NAPG: variants seen among roughly 807,000 people sequenced by gnomAD.
The protein encoded by NAPG is NSF attachment protein gamma, also known as gamma-soluble NSF attachment protein.
In NAPG, 25 loss-of-function variants were observed where a neutral mutation model predicts 48.4. That is an observed-to-expected ratio of 0.52 (90% confidence interval 0.38 to 0.72). The LOEUF is 0.72. NAPG is among the 30% of genes least tolerant of loss of function. The probability of loss-of-function intolerance (pLI) is 0.00; values close to 1 mark genes in which losing one functional copy is unlikely to be tolerated. For missense variants in NAPG, 359 were observed against 372.5 expected, an observed-to-expected ratio of 0.96 and a Z score of 0.30; for synonymous variants, 139 against 127.2, an observed-to-expected ratio of 1.09 and a Z score of -0.62.
chr18:10,541,391 C>G (rs751301366), intron 8 of NAPG, among the ~76,000 whole-genome samples: 2 of 152,134 alleles, frequency 1.3e-5, no homozygotes, highest in Non-Finnish European at 2.9e-5. Context: ...TTATTACTTA[C>G]TCGTCGCTTC....
In NAPG at chr18:10,550,346, C is replaced by G. The variant is rs563178587; in HGVS notation, c.*126C>G. ...TCATGATTTTGGATCCTAATAAAGA[C>G]TAGTTTTTAGTTACCATCTTCCCAA... On this transcript the variant is annotated 3_prime_UTR_variant, in exon 12 of 12. Transcript: ENST00000322897. 9.4e-7 allele frequency: 1 copy of G among 1,062,480 alleles called. No homozygotes were observed. The highest frequency in any genetic ancestry group is 1.3e-6 in the Non-Finnish European group (1 of 775,144). The allele number at this position is 1,062,480 out of a possible 1,614,324, so 65.8% of individuals were successfully genotyped here. A position where few individuals can be genotyped will look rare whatever the true frequency, so the allele number is the denominator to read the frequency against.
Position 10,540,014 on chromosome 18 carries a change from A to G in NAPG, c.395A>G (p.Lys132Arg), listed in dbSNP as rs1318970554. ...GKLIENVDPE[K>R]AVQLYQQTAN... ...CTTATAGAAAATGTTGATCCAGAGA[A>G]GGCTGTACAGTTATATCAACAGACA... Residue 132 changes from lysine to arginine, a missense_variant, in exon 7 of 12, where the codon AAG becomes AGG. Lys to Arg is a conservative substitution (Grantham distance 26). Transcript: ENST00000322897. The G allele has an allele frequency of 6.3e-7, 1 of 1,598,068 alleles. No homozygotes were observed. Among genetic ancestry groups the G allele is most frequent in the African/African-American group, 1.3e-5 (1 of 74,754 alleles).
chr18:10,526,978 A>G (rs2031828168), intron 1 of NAPG, among the ~76,000 whole-genome samples: 1 of 151,990 alleles, frequency 6.6e-6, no homozygotes. Context: ...TCACAAGGTC[A>G]GAAGATCCAG....
chr18:10,529,423 T>C (rs1001801567), intron 1 of NAPG, among the ~76,000 whole-genome samples: 8 of 152,248 alleles, frequency 5.3e-5, no homozygotes, highest in Non-Finnish European at 1.0e-4. Context: ...AAGTTTTAGA[T>C]GCTAAATATG....
chr18:10,540,580 TCTG>T, intron 8 of NAPG, 181 bp downstream of exon 8: 1 of 465,574 alleles, frequency 2.1e-6, no homozygotes, highest in Non-Finnish European at 3.8e-6. Context: ...TATTAAAAGA[TCTG>T]CTGTTTTTTG....
Position 10,548,282 on chromosome 18 carries a change from C to G in NAPG, c.586-17C>G, listed in dbSNP as rs761901743. 2 of 1,587,110 alleles carry G rather than the reference C, an allele frequency of 1.3e-6. No individual in the cohort carries two copies. The highest frequency in any genetic ancestry group is 3.3e-5 in the Admixed American group (2 of 59,868). On this transcript the variant is annotated splice_polypyrimidine_tract_variant and intron_variant, in intron 9 of 11. Transcript: ENST00000322897. This position sits in a 1 kb window ranked among gnomAD's most constrained non-coding sequence, Gnocchi z 4.4. The stretch of plus-strand genomic sequence containing the variant: ...AAACAGATGTAAATTTGACCATGAT[C>G]CTCTCTTTTGTTTTAGAAAACAATT...
At chr18:10,541,173 G>A (rs564889657) in intron 8 of NAPG, among the ~76,000 whole-genome samples, 1 of 151,974 alleles carries the variant, frequency 6.6e-6, no homozygotes, top group Admixed American at 6.6e-5. Context: ...AATTTAAACC[G>A]GTCTAGAGTA....
Position 10,539,687 on chromosome 18 carries a change from C to A in NAPG, c.259-75C>A. 8.5e-7 allele frequency: 1 copy of A among 1,171,776 alleles called. No homozygotes were observed. Among genetic ancestry groups the A allele is most frequent in the Non-Finnish European group, 1.3e-6 (1 of 792,950 alleles). 72.6% of individuals were successfully genotyped at this position (1,171,776 alleles called of 1,614,324 possible). A position where few individuals can be genotyped will look rare whatever the true frequency, so the allele number is the denominator to read the frequency against. On this transcript the variant is annotated intron_variant, in intron 5 of 11. Coordinates refer to ENST00000322897, the MANE Select transcript of NAPG (RefSeq NM_003826.3). This position sits in a 1 kb window ranked among gnomAD's most constrained non-coding sequence, Gnocchi z 4.7. ...CAGAACTTAAAATAAAAAATAATTG[C>A]ATTTCAGATTGTTAACTCTGTTTTT...
Position 10,551,051 on chromosome 18 carries a change from T to G in NAPG, c.*831T>G, listed in dbSNP as rs1259982670. 2.6e-5 allele frequency: 4 copies of G among 151,948 alleles called. No individual in the cohort carries two copies. In the East Asian group the frequency reaches 7.7e-4, roughly 29 times the overall value. The allele number at this position is 151,948 out of a possible 1,614,324, so 9.4% of individuals were successfully genotyped here. Reference sequence around the variant, plus strand: ...CTCTTTTGCCCAGGCTGGAGTGCAGTGGCACAATCACGGCTCCCAGGCTAA... The same window carrying G: ...CTCTTTTGCCCAGGCTGGAGTGCAGGGGCACAATCACGGCTCCCAGGCTAA... On this transcript the variant is annotated 3_prime_UTR_variant, in exon 12 of 12. Transcript: ENST00000322897.
rs576467426 is a variant in NAPG, at chr18:10,536,454, A to G, written c.258+1958A>G. Among the ~76,000 whole-genome samples, 10 of 152,340 alleles carry G rather than the reference A, an allele frequency of 6.6e-5. No individual in the cohort carries two copies. In the South Asian group the frequency reaches 1.7e-3, roughly 25 times the overall value. ...GGAAGCCACAGAAACTTGTTGGATC[A>G]ACCTTTGGTTCTGTCACTTGATGAC... On this transcript the variant is annotated intron_variant, in intron 5 of 11. Coordinates refer to ENST00000322897, the MANE Select transcript of NAPG (RefSeq NM_003826.3).
intron 5 of NAPG, among the ~76,000 whole-genome samples, chr18:10,537,363 GAA>G (rs1027272282): frequency 1.9e-4 from 29 of 152,170 alleles, no homozygotes; most frequent in Admixed American, 3.3e-4. Context: ...CTAGAGAAAA[GAA>G]AATATTAAGA....
rs1043842305 is a variant in NAPG at position 10,544,009 on chromosome 18, A to G, written c.507-2317A>G. ...GAAATAAACAGTTTATGCGTAAAGA[A>G]TGCACCCTTTATAGTTAAATATATG... On this transcript the variant is annotated intron_variant, in intron 8 of 11. Transcript: ENST00000322897. This position sits in a 1 kb window ranked among gnomAD's most constrained non-coding sequence, Gnocchi z 5.1. Among the ~76,000 whole-genome samples, 1 of 152,214 alleles carries G rather than the reference A, an allele frequency of 6.6e-6. No homozygotes were observed. Among genetic ancestry groups the G allele is most frequent in the Non-Finnish European group, 1.5e-5 (1 of 68,030 alleles).
Position 10,552,582 on chromosome 18 carries a change from A to T in NAPG, c.*2362A>T, listed in dbSNP as rs1159767614. ...CATTGTAAGTGAAGTCCAGCTACAA[A>T]ATAGATTTAATATATTGAATTTATT... On this transcript the variant is annotated 3_prime_UTR_variant, in exon 12 of 12. Transcript: ENST00000322897. 1 of 152,246 alleles carries T rather than the reference A, an allele frequency of 6.6e-6. No homozygotes were observed. Among genetic ancestry groups the T allele is most frequent in the Non-Finnish European group, 1.5e-5 (1 of 68,050 alleles). 9.4% of individuals were successfully genotyped at this position (152,246 alleles called of 1,614,324 possible).
chr18:10,527,152 C>T (rs1002850333), intron 1 of NAPG, among the ~76,000 whole-genome samples: 25 of 144,116 alleles, frequency 1.7e-4, no homozygotes, highest in African/African-American at 6.0e-4. Context: ...CGCGCCACTG[C>T]ACTCCAGCCT....
At position 10,539,877 on chromosome 18, in the gene NAPG, T is replaced by A; in HGVS notation, c.368+6T>A. The A allele has an allele frequency of 6.2e-7, 1 of 1,613,270 alleles. No homozygotes were observed. Among genetic ancestry groups the A allele is most frequent in the South Asian group, 1.1e-5 (1 of 91,046 alleles). ...GCTTTGGAGCGAGCTGGAAAGTGAG[T>A]GTGAGATGGACAAGTCTCTGCATAG... On this transcript the variant is annotated splice_donor_region_variant and intron_variant, in intron 6 of 11. Transcript: ENST00000322897. This position sits in a 1 kb window ranked among gnomAD's most constrained non-coding sequence, Gnocchi z 4.7.
chr18:10,526,194 G>T (rs1363631321), intron 1 of NAPG, 36 bp downstream of exon 1: 1 of 1,571,462 alleles, frequency 6.4e-7, no homozygotes, highest in East Asian at 2.3e-5. Context: ...GTGTGTAGAC[G>T]CCGGGTCCGT....
Position 10,534,923 on chromosome 18 carries a change from T to G in NAPG, c.258+427T>G, listed in dbSNP as rs1406817485. 6.6e-6 allele frequency among the ~76,000 whole-genome samples: 1 copy of G among 152,218 alleles called. No individual in the cohort carries two copies. Among genetic ancestry groups the G allele is most frequent in the Non-Finnish European group, 1.5e-5 (1 of 68,044 alleles). The stretch of plus-strand genomic sequence containing the variant: ...GTTGGCAGCAGAAACAACCACAGAT[T>G]TAAGCTTTTGCTACTTTAATTCATT... On this transcript the variant is annotated intron_variant, in intron 5 of 11. Coordinates refer to ENST00000322897, the MANE Select transcript of NAPG (RefSeq NM_003826.3). The surrounding 1 kb of genome is among the most constrained non-coding windows in gnomAD (Gnocchi z 5.0).
At chr18:10,541,361 G>A (rs1231938940) in intron 8 of NAPG, among the ~76,000 whole-genome samples, 2 of 152,008 alleles carry the variant, frequency 1.3e-5, no homozygotes, top group Non-Finnish European at 2.9e-5. Context: ...GTCAGTCCGG[G>A]GTCATTATCT....
intron 3 of NAPG, 118 bp from the exon 4 acceptor site, chr18:10,533,418 T>C: frequency 1.3e-6 from 1 of 773,750 alleles, no homozygotes; most frequent in South Asian, 1.9e-5. Flanking sequence ...TTTGTAGGAT[T>C]TGTCTTTTGG....
Sources: allele counts gnomAD v4.1 joint callset (sites outside exome capture counted in the v4.1 genomes callset), GRCh38; gene constraint gnomAD v4.1.1; non-coding constraint Gnocchi (gnomAD v3.1); transcripts MANE v1.5; gene names NCBI Gene and HGNC (gene_info 2026-07-23, HGNC 2026-07-21).